The following DLC1 variants were observed in gnomAD, a reference collection of about 807,000 sequenced individuals.
DLC1 encodes the protein rho GTPase-activating protein 7.
Under a neutral mutation model 140.3 loss-of-function variants are expected in DLC1, and 54 were observed. That is an observed-to-expected ratio of 0.38 (90% CI 0.31 to 0.48). The LOEUF (loss-of-function observed/expected upper bound fraction) is 0.48, where lower values mean the gene tolerates loss of function less well. DLC1 is among the 20% of genes least tolerant of loss of function. The pLI is 0.96. For missense variants in DLC1, 2,536 were observed against 1,907.0 expected (o/e 1.33, Z -6.14); for synonymous variants, 986 against 728.1 (o/e 1.35, Z -5.70).
rs34941980 is a variant in DLC1 at position 13,100,138 on chromosome 8, G to T, written c.2199C>A (p.Ser733Arg). The change falls in exon 9 of 18, where the codon AGC becomes AGA. Residue 733 changes from serine (S) to arginine (R), a missense_variant. By Grantham distance (110) the Ser-to-Arg change is moderately radical (BLOSUM62 -1). Transcript: ENST00000276297. ...RINVPMVRKRSVSNSTQTSSS... is the reference protein window; with the variant it reads ...RINVPMVRKRRVSNSTQTSSS... The stretch of plus-strand genomic sequence containing the variant: ...TGCTGGTCTGCGTGGAGTTGGAAAC[G>T]CTCCTCTTTCGTACCATGGGGACGT... 6.2e-7 allele frequency: 1 copy of T among 1,613,984 alleles called. No individual in the cohort carries two copies. Among genetic ancestry groups the T allele is most frequent in the Non-Finnish European group, 8.5e-7 (1 of 1,180,052 alleles).
At chr8:13,472,619 G>T (rs1257628042) in intron 2 of DLC1, among the ~76,000 whole-genome samples, 1 of 152,114 alleles carries the variant, frequency 6.6e-6, no homozygotes, top group Non-Finnish European at 1.5e-5. Context: ...GTTTCATTGG[G>T]AAGAACCAGC....
At chr8:13,199,266 C>A (rs1489303066) in intron 5 of DLC1, among the ~76,000 whole-genome samples, 2 of 141,044 alleles carry the variant, frequency 1.4e-5, no homozygotes, top group African/African-American at 5.3e-5. Flanking sequence ...CTCACTGTAA[C>A]CTTGAACTCC....
chr8:13,406,358 G>A (rs887579556), intron 2 of DLC1, among the ~76,000 whole-genome samples: 2 of 151,730 alleles, frequency 1.3e-5, no homozygotes, highest in African/African-American at 2.4e-5. Context: ...ATCATTTAAG[G>A]TATGTTTATT....
rs193185495 is a variant in DLC1 at position 13,165,559 on chromosome 8, G to A, written c.1349-49902C>T. Among the ~76,000 whole-genome samples, 30 of 152,326 alleles carry A rather than the reference G, an allele frequency of 2.0e-4. No individual in the cohort carries two copies. In the Middle Eastern group the frequency reaches 0.01, roughly 52 times the overall value. On this transcript the variant is annotated intron_variant, in intron 5 of 17. Transcript: ENST00000276297. Reference sequence around the variant, plus strand: ...TAACACAATGCTGTTAGTGCTGAAGGCAGACACTTGGCCAGGATTTCTGTT... The same window carrying A: ...TAACACAATGCTGTTAGTGCTGAAGACAGACACTTGGCCAGGATTTCTGTT...
At chr8:13,537,641 G>A (rs1488184394) in intron 1 of DLC1, among the ~76,000 whole-genome samples, 1 of 140,802 alleles carries the variant, frequency 7.1e-6, no homozygotes, top group African/African-American at 2.6e-5. Context: ...AGTAACAACA[G>A]CTAACTCTTT....
chr8:13,500,630 A>G (rs1197154853), intron 1 of DLC1, among the ~76,000 whole-genome samples: 1 of 152,220 alleles, frequency 6.6e-6, no homozygotes, highest in Non-Finnish European at 1.5e-5. Flanking sequence ...AGCGAAAGCC[A>G]CCAGGGAACT....
chr8:13,393,754 C>T (rs1836882271), intron 3 of DLC1, 61 bp from the exon 4 acceptor site: 3 of 1,559,874 alleles, frequency 1.9e-6, no homozygotes, highest in East Asian at 2.2e-5. Flanking sequence ...TGCCCTTCTT[C>T]CTACCACCAG....
intron 2 of DLC1, among the ~76,000 whole-genome samples, chr8:13,448,395 G>C (rs868185665): frequency 1.4e-5 from 2 of 145,884 alleles, no homozygotes; most frequent in Non-Finnish European, 3.0e-5. Flanking sequence ...ACAGGGTCTC[G>C]CTCTGTCACC....
At chr8:13,413,256 A>ACTTTTTTT (rs1491415150) in intron 2 of DLC1, among the ~76,000 whole-genome samples, 2 of 82,006 alleles carry the variant, frequency 2.4e-5, no homozygotes, top group Non-Finnish European at 4.5e-5. Context: ...TTTTTTTGCG[A>ACTTTTTTT]TTTTTTTTTT....
At chr8:13,405,961 CT>C (rs1837524373) in intron 2 of DLC1, among the ~76,000 whole-genome samples, 3 of 89,608 alleles carry the variant, frequency 3.3e-5, no homozygotes, top group Admixed American at 1.2e-4. Flanking sequence ...TTCTTTCTTT[CT>C]TTCTTTCTTT....
At chr8:13,149,601 C>A (rs1823666860) in intron 5 of DLC1, among the ~76,000 whole-genome samples, 1 of 152,228 alleles carries the variant, frequency 6.6e-6, no homozygotes, top group Admixed American at 6.5e-5. Context: ...TGTACCTTCA[C>A]TCTTCCTGCC....
At chr8:13,126,816 A>T (rs1345178397) in intron 5 of DLC1, among the ~76,000 whole-genome samples, 1 of 152,252 alleles carries the variant, frequency 6.6e-6, no homozygotes, top group Non-Finnish European at 1.5e-5. Flanking sequence ...CTGCGATAGC[A>T]CAGGAGAAAA....
chr8:13,204,618 T>C (rs796749892), intron 5 of DLC1, among the ~76,000 whole-genome samples: 3 of 152,344 alleles, frequency 2.0e-5, no homozygotes, highest in African/African-American at 7.2e-5. Context: ...GCTAAAGTCA[T>C]GGCTATTTCA....
At chr8:13,088,307 G>A (rs573768450) in intron 16 of DLC1, among the ~76,000 whole-genome samples, 180 bp downstream of exon 16, 9 of 152,156 alleles carry the variant, frequency 5.9e-5, no homozygotes, top group African/African-American at 2.2e-4. Context: ...GTCTTGAACT[G>A]CTGGCCTCAA....
chr8:13,214,697 T>C (rs776644898), intron 5 of DLC1: 5 of 780,632 alleles, frequency 6.4e-6, no homozygotes, highest in Admixed American at 5.1e-5. Flanking sequence ...GACAAACCAA[T>C]TGCCACTTCC....
chr8:13,266,019 C>T (rs1830675161), intron 5 of DLC1, among the ~76,000 whole-genome samples: 1 of 152,116 alleles, frequency 6.6e-6, no homozygotes. Context: ...AAGAGCTTTG[C>T]TGGAAACATA....
At chr8:13,498,241 A>G (rs1801606631) in intron 2 of DLC1, among the ~76,000 whole-genome samples, 1 of 152,192 alleles carries the variant, frequency 6.6e-6, no homozygotes, top group Non-Finnish European at 1.5e-5. Context: ...ATAACTCACT[A>G]CAGTTTTTGG....
chr8:13,337,340 T>C (rs1833848770), intron 4 of DLC1, among the ~76,000 whole-genome samples: 1 of 152,218 alleles, frequency 6.6e-6, no homozygotes, highest in Non-Finnish European at 1.5e-5. Flanking sequence ...ATCTGTCCGA[T>C]TTCAGAATAA....
chr8:13,293,446 T>A (rs10888181), intron 5 of DLC1, among the ~76,000 whole-genome samples: 1 of 151,906 alleles, frequency 6.6e-6, no homozygotes, highest in Non-Finnish European at 1.5e-5. Flanking sequence ...AATTAAAAGT[T>A]CATCAAATAT....
Sources: gnomAD v4.1 joint callset for allele counts (sites outside exome capture counted in the v4.1 genomes callset) on GRCh38, gnomAD v4.1.1 for gene constraint, MANE v1.5 for transcripts, NCBI Gene and HGNC (gene_info 2026-07-23, HGNC 2026-07-21) for gene names.